Variants in ALDH2 observed in about 807,000 individuals in gnomAD.
ALDH2 encodes aldehyde dehydrogenase, mitochondrial.
A neutral mutation model predicts 59.6 loss-of-function variants in ALDH2; 44 were observed. The ratio of observed to expected loss-of-function variants is 0.74; its 90% CI spans 0.58 to 0.95. The LOEUF (loss-of-function observed/expected upper bound fraction) is 0.95. Among genes scored for constraint, ALDH2 ranks in the 40% least tolerant of loss-of-function variants. The pLI, the probability that ALDH2 is intolerant of heterozygous loss-of-function variation, is 0.00. For missense variants in ALDH2, 570 were observed against 696.3 expected (o/e 0.82, Z 2.04); for synonymous variants, 291 against 284.0 (o/e 1.02, Z -0.25).
rs1176617643 is a variant in ALDH2 at position 111,812,919 on chromosome 12, A to G, written c.*3344A>G. ...AAAGAATACTGCAAAGAACCTTGGTAGGGGTGAATTGGAAAAAGTAGAGAA... is the reference window on the plus strand; with the variant it reads ...AAAGAATACTGCAAAGAACCTTGGTGGGGGTGAATTGGAAAAAGTAGAGAA... On this transcript the variant is annotated 3_prime_UTR_variant, in exon 13 of 13. Coordinates refer to ENST00000261733, the MANE Select transcript of ALDH2 (RefSeq NM_000690.4). 6.6e-6 allele frequency: 1 copy of G among 152,204 alleles called. No individual in the cohort carries two copies. The highest frequency in any genetic ancestry group is 1.5e-5 in the Non-Finnish European group (1 of 68,042). The allele number at this position is 152,204 out of a possible 1,614,324, so 9.4% of individuals were successfully genotyped here. A position where few individuals can be genotyped will look rare whatever the true frequency, so the allele number is the denominator to read the frequency against.
At chr12:111,807,412 C>T (rs1046834031) in intron 12 of ALDH2, among the ~76,000 whole-genome samples, 8 of 152,150 alleles carry the variant, frequency 5.3e-5, no homozygotes, top group Non-Finnish European at 4.4e-5. Flanking sequence ...CATCCACTGC[C>T]CGAGCAGAGT....
intron 6 of ALDH2, among the ~76,000 whole-genome samples, 193 bp from the exon 7 acceptor site, chr12:111,791,113 G>C (rs1036820108): frequency 6.6e-6 from 1 of 152,152 alleles, no homozygotes; most frequent in Non-Finnish European, 1.5e-5. Context: ...CAAAGACACA[G>C]GGAACCCCAG....
chr12:111,777,640 G>A (rs543116783), intron 1 of ALDH2, among the ~76,000 whole-genome samples: 26 of 152,192 alleles, frequency 1.7e-4, no homozygotes, highest in African/African-American at 5.8e-4. Flanking sequence ...AGGCAGACCC[G>A]GGAACTCCCT....
Position 111,781,932 on chromosome 12 carries a change from T to C in ALDH2, c.129T>C (p.Asn43=). 3 of 1,613,640 alleles carry C rather than the reference T, an allele frequency of 1.9e-6. No individual in the cohort carries two copies. The highest frequency in any genetic ancestry group is 1.7e-6 in the Non-Finnish European group (2 of 1,179,668). ...EVFCNQIFIN[N]EWHDAVSRKT... ...TCTCATTGTAGATTTTCATAAACAA[T>C]GAATGGCACGATGCCGTCAGCAGGA... The change falls in exon 2 of 13, where the codon AAT becomes AAC. Residue 43 remains asparagine, a synonymous_variant. Transcript: ENST00000261733.
At position 111,789,510 on chromosome 12, in the gene ALDH2, GA is replaced by G. The variant is rs1404509112; in HGVS notation, c.441-309del. Reference sequence around the variant, plus strand: ...CTGTCTCAAAAAAAAAAAAAGAAAAGAAAAGAAAGAAAAAAAAAAAATCTAA... The same window carrying G: ...CTGTCTCAAAAAAAAAAAAAGAAAAGAAAGAAAGAAAAAAAAAAAATCTAA... On this transcript the variant is annotated intron_variant, in intron 4 of 12. Coordinates refer to ENST00000261733, the MANE Select transcript of ALDH2 (RefSeq NM_000690.4). Among the ~76,000 whole-genome samples, 782 of 148,420 alleles carry G rather than the reference GA, an allele frequency of 5.3e-3. 7 individuals carry two copies. Among genetic ancestry groups the G allele is most frequent in the African/African-American group, 0.018 (743 of 40,472 alleles).
At chr12:111,778,418 A>G (rs1244497607) in intron 1 of ALDH2, among the ~76,000 whole-genome samples, 5 of 148,680 alleles carry the variant, frequency 3.4e-5, no homozygotes, top group Admixed American at 6.7e-5. Context: ...GGTGGCAGGC[A>G]TCTGTAATCC....
rs117358900 is a variant in ALDH2 at position 111,782,610 on chromosome 12, C to T, written c.220-548C>T. ...TAAAACTAAGAAAATACAGGCCAGG[C>T]GCAGTGGCTCAAGCCTGTAATCCCA... On this transcript the variant is annotated intron_variant, in intron 2 of 12. Coordinates refer to ENST00000261733, the MANE Select transcript of ALDH2 (RefSeq NM_000690.4). Among the ~76,000 whole-genome samples the T allele has an allele frequency of 7.8e-3, 1,185 of 152,162 alleles. 6 individuals are homozygous for T. The highest frequency in any genetic ancestry group is 0.013 in the Non-Finnish European group (890 of 67,982).
At chr12:111,783,015 C>A in intron 2 of ALDH2, 143 bp from the exon 3 acceptor site, 1 of 1,028,362 alleles carries the variant, frequency 9.7e-7, no homozygotes, top group Non-Finnish European at 1.4e-6. Flanking sequence ...AGGGCTCTGC[C>A]GGGCTAGGAG....
chr12:111,775,622 A>T (rs540863474), intron 1 of ALDH2: 1 of 454,868 alleles, frequency 2.2e-6, no homozygotes, highest in African/African-American at 2.0e-5. Flanking sequence ...TGAAAATGTC[A>T]ACTCCAGACA....
intron 1 of ALDH2, chr12:111,775,675 G>A (rs574258669): frequency 2.2e-6 from 1 of 455,892 alleles, no homozygotes; most frequent in Non-Finnish European, 4.4e-6. Context: ...TGGGAGCTAG[G>A]ACATCCCCCC....
rs2068437301 is a variant in ALDH2, at chr12:111,799,983, C to CA, written c.1326_1327insA (p.Gly443ArgfsTer32). 2.5e-6 allele frequency: 4 copies of CA among 1,613,862 alleles called. No homozygotes were observed. Among genetic ancestry groups the CA allele is most frequent in the Non-Finnish European group, 3.4e-6 (4 of 1,180,004 alleles). On this transcript the variant is annotated frameshift_variant, in exon 11 of 13. Coordinates refer to ENST00000261733, the MANE Select transcript of ALDH2 (RefSeq NM_000690.4). LOFTEE classifies it high-confidence loss of function. ...TTGGGAGAGCCAACAATTCCACGTA[C>CA]GGGCTGGCCGCAGCTGTCTTCACAA... is the stretch of plus-strand genomic sequence containing the variant.
chr12:111,809,279 C>T (rs1290381046), intron 12 of ALDH2, among the ~76,000 whole-genome samples: 1 of 152,010 alleles, frequency 6.6e-6, no homozygotes, highest in Non-Finnish European at 1.5e-5. Flanking sequence ...CATAGTGACA[C>T]CCCATCTCTA....
chr12:111,797,073 C>A (rs1465703282), intron 9 of ALDH2, among the ~76,000 whole-genome samples: 1 of 151,840 alleles, frequency 6.6e-6, no homozygotes, highest in East Asian at 1.9e-4. Context: ...GATTCTCCTG[C>A]CTCAGCATGT....
chr12:111,807,899 CAG>C (rs1000842354), intron 12 of ALDH2, among the ~76,000 whole-genome samples: 5 of 149,952 alleles, frequency 3.3e-5, no homozygotes, highest in African/African-American at 1.2e-4. Context: ...TTTTCTGAGC[CAG>C]AGTCTTGCTC....
chr12:111,798,816 G>A (rs182230592), intron 10 of ALDH2, among the ~76,000 whole-genome samples: 44 of 152,158 alleles, frequency 2.9e-4, no homozygotes, highest in African/African-American at 1.0e-3. Context: ...AGACCAGCCT[G>A]GCCAACATGG....
At chr12:111,808,171 G>A (rs1339257914) in intron 12 of ALDH2, among the ~76,000 whole-genome samples, 1 of 152,008 alleles carries the variant, frequency 6.6e-6, no homozygotes, top group Non-Finnish European at 1.5e-5. Flanking sequence ...CACTGTGCCT[G>A]GCCCACTCAA....
rs1453107478 is a variant in ALDH2 at position 111,812,414 on chromosome 12, A to G, written c.*2839A>G. 1 of 152,198 alleles carries G rather than the reference A, an allele frequency of 6.6e-6. No homozygotes were observed. The highest frequency in any genetic ancestry group is 1.5e-5 in the Non-Finnish European group (1 of 68,048). 9.4% of individuals were successfully genotyped at this position (152,198 alleles called of 1,614,324 possible). A position where few individuals can be genotyped will look rare whatever the true frequency, so the allele number is the denominator to read the frequency against. ...CTGGATGGCTTGCCGCCCACAGCCAACAATGTGTTTTCAATATGCTCCCCA... is the reference window on the plus strand; with the variant it reads ...CTGGATGGCTTGCCGCCCACAGCCAGCAATGTGTTTTCAATATGCTCCCCA... On this transcript the variant is annotated 3_prime_UTR_variant, in exon 13 of 13. Transcript: ENST00000261733.
chr12:111,772,314 G>A (rs1050892342), intron 1 of ALDH2, among the ~76,000 whole-genome samples: 4 of 152,146 alleles, frequency 2.6e-5, no homozygotes, highest in Admixed American at 1.3e-4. Context: ...TGTGCTGACT[G>A]AATCTCCCTA....
intron 2 of ALDH2, 68 bp from the exon 3 acceptor site, chr12:111,783,090 T>C (rs2068284781): frequency 6.4e-7 from 1 of 1,554,952 alleles, no homozygotes; most frequent in African/African-American, 1.4e-5. Context: ...GTGTTTGTAT[T>C]CGGACCTGGT....
Sources: gnomAD v4.1 joint callset for allele counts (sites outside exome capture counted in the v4.1 genomes callset) on GRCh38, gnomAD v4.1.1 for gene constraint, MANE v1.5 for transcripts, NCBI Gene and HGNC (gene_info 2026-07-23, HGNC 2026-07-21) for gene names.